The following UBE4B variants were observed in gnomAD, a reference collection of about 807,000 sequenced individuals.
UBE4B encodes the protein ubiquitin conjugation factor E4 B.
UBE4B carries 27 observed loss-of-function variants against 148.1 expected under a neutral mutation model. The observed-to-expected ratio is 0.18, with a 90% CI of 0.13 to 0.25. The LOEUF (loss-of-function observed/expected upper bound fraction) is 0.25. UBE4B is among the 10% of genes least tolerant of loss of function. The pLI, the probability that UBE4B is intolerant of heterozygous loss-of-function variation, is 1.00. For missense variants in UBE4B, 1,170 were observed against 1,662.4 expected, an observed-to-expected ratio of 0.70 and a Z score of 5.15; for synonymous variants, 596 against 619.3, an observed-to-expected ratio of 0.96 and a Z score of 0.56.
At chr1:10,034,372 T>G (rs962309883) in intron 1 of UBE4B, among the ~76,000 whole-genome samples, 2 of 152,266 alleles carry the variant, frequency 1.3e-5, no homozygotes, top group East Asian at 3.9e-4. Context: ...GGGAAGCAAG[T>G]GGAAGCAAAT....
intron 3 of UBE4B, among the ~76,000 whole-genome samples, chr1:10,098,853 G>A (rs1644967227): frequency 1.3e-5 from 2 of 152,172 alleles, no homozygotes; most frequent in Admixed American, 6.5e-5. Context: ...TAAGAACAAG[G>A]ATGACTGCTA....
chr1:10,157,573 A>T (rs1021139301), intron 21 of UBE4B, among the ~76,000 whole-genome samples: 1 of 152,088 alleles, frequency 6.6e-6, no homozygotes, highest in Non-Finnish European at 1.5e-5. Flanking sequence ...AGGCCAAGAG[A>T]TCGAGACAAT....
At chr1:10,158,307 G>A (rs530439610) in intron 21 of UBE4B, 49 bp from the exon 22 acceptor site, 1 of 1,592,668 alleles carries the variant, frequency 6.3e-7, no homozygotes, top group South Asian at 1.1e-5. Flanking sequence ...ACTGGATTTG[G>A]AAAGCAAGAA....
chr1:10,096,396 A>G (rs771810611), intron 3 of UBE4B, among the ~76,000 whole-genome samples: 26 of 152,084 alleles, frequency 1.7e-4, no homozygotes, highest in Admixed American at 5.2e-4. Flanking sequence ...CTCTCCCCTC[A>G]AGCAGTGGCC....
At chr1:10,172,377 G>A (rs1280923353) in intron 25 of UBE4B, among the ~76,000 whole-genome samples, 2 of 152,304 alleles carry the variant, frequency 1.3e-5, no homozygotes, top group East Asian at 1.9e-4. Context: ...CTTTGAGGTA[G>A]GTTCTGTAAA....
At chr1:10,167,064 G>A (rs539974370) in intron 23 of UBE4B, among the ~76,000 whole-genome samples, 6 of 151,868 alleles carry the variant, frequency 4.0e-5, no homozygotes, top group Admixed American at 1.3e-4. Context: ...CCTGGGAGGC[G>A]GAGGTTACAG....
chr1:10,105,103 A>G (rs1362552444), intron 5 of UBE4B, among the ~76,000 whole-genome samples: 1 of 152,240 alleles, frequency 6.6e-6, no homozygotes, highest in Non-Finnish European at 1.5e-5. Context: ...AAGAAATATT[A>G]ACCCAGTTGC....
intron 1 of UBE4B, among the ~76,000 whole-genome samples, chr1:10,062,052 G>A (rs1413001769): frequency 6.6e-6 from 1 of 151,560 alleles, no homozygotes; most frequent in African/African-American, 2.4e-5. Flanking sequence ...TGGGATTACA[G>A]GCGGGCACCA....
At chr1:10,126,105 C>T (rs1645488807) in intron 10 of UBE4B, among the ~76,000 whole-genome samples, 1 of 152,030 alleles carries the variant, frequency 6.6e-6, no homozygotes, top group East Asian at 1.9e-4. Flanking sequence ...TCGAAACCAG[C>T]GTGGCCAACA....
chr1:10,135,130 A>C lies in UBE4B; in HGVS notation c.2168A>C (p.Asp723Ala). 2 of 1,614,004 alleles carry C rather than the reference A, an allele frequency of 1.2e-6. No homozygotes were observed. Among genetic ancestry groups the C allele is most frequent in the Non-Finnish European group, 1.7e-6 (2 of 1,179,984 alleles). Reference protein sequence around the residue: ...HPRCRITLPNDETRVNATMED... With the variant: ...HPRCRITLPNAETRVNATMED... Reference sequence around the variant, plus strand: ...AGATGTCGGATTACTCTTCCCAATGATGAGACGCGTGTGAATGCAACGATG... The same window carrying C: ...AGATGTCGGATTACTCTTCCCAATGCTGAGACGCGTGTGAATGCAACGATG... Residue 723 changes from aspartate to alanine, a missense_variant, in exon 16 of 28, where the codon GAT (aspartate) becomes GCT (alanine). Around this residue, in one of 6 missense-constraint regions of UBE4B, gnomAD observed 388 missense variants for 536.0 expected, o/e 0.72. Coordinates refer to ENST00000343090, the MANE Select transcript of UBE4B (RefSeq NM_001105562.3).
At chr1:10,059,864 T>G (rs1644251811) in intron 1 of UBE4B, among the ~76,000 whole-genome samples, 1 of 152,180 alleles carries the variant, frequency 6.6e-6, no homozygotes, top group Non-Finnish European at 1.5e-5. Flanking sequence ...GCATAGGTCT[T>G]CAGCCCAAGC....
At chr1:10,134,924 G>C in intron 15 of UBE4B, 64 bp from the exon 16 acceptor site, 1 of 1,420,516 alleles carries the variant, frequency 7.0e-7, no homozygotes, top group South Asian at 1.2e-5. Flanking sequence ...AACAGAGTGA[G>C]ACCCCATCTC....
At chr1:10,090,281 G>A (rs1311188073) in intron 2 of UBE4B, among the ~76,000 whole-genome samples, 1 of 152,088 alleles carries the variant, frequency 6.6e-6, no homozygotes, top group African/African-American at 2.4e-5. Flanking sequence ...CATCACGCTT[G>A]GCTCATTTTT....
rs1205836717 is a variant in UBE4B at position 10,106,609 on chromosome 1, T to C, written c.1196+26T>C. ...GTATTTATCCCACAGGAGAGTTGCA[T>C]GTGTGTTTGCGGTGCAGGGAAAGGA... On this transcript the variant is annotated intron_variant, in intron 7 of 27. Transcript: ENST00000343090. This position sits in a 1 kb window ranked among gnomAD's most constrained non-coding sequence, Gnocchi z 4.2. 2 of 1,508,644 alleles carry C rather than the reference T, an allele frequency of 1.3e-6. No individual in the cohort carries two copies. The highest frequency in any genetic ancestry group is 8.8e-7 in the Non-Finnish European group (1 of 1,136,790). 93.5% of individuals were successfully genotyped at this position (1,508,644 alleles called of 1,614,324 possible). A position where few individuals can be genotyped will look rare whatever the true frequency, so the allele number is the denominator to read the frequency against.
chr1:10,135,647 A>G (rs981382442), intron 16 of UBE4B, among the ~76,000 whole-genome samples: 2 of 151,192 alleles, frequency 1.3e-5, no homozygotes, highest in Admixed American at 6.7e-5. Flanking sequence ...GAGGCAGGAG[A>G]ATTGTGTGAA....
intron 21 of UBE4B, among the ~76,000 whole-genome samples, chr1:10,155,422 A>C (rs1450174057): frequency 6.6e-6 from 1 of 152,206 alleles, no homozygotes; most frequent in Non-Finnish European, 1.5e-5. Context: ...AAGGGTCAAG[A>C]AGCTTGCTGA....
In UBE4B at chr1:10,102,391, C is replaced by CTTTT. The variant is rs33997625; in HGVS notation, c.436-523_436-520dup. 9.3e-4 allele frequency among the ~76,000 whole-genome samples: 48 copies of CTTTT among 51,564 alleles called. 10 individuals carry two copies. Among genetic ancestry groups the CTTTT allele is most frequent in the African/African-American group, 1.8e-3 (30 of 16,518 alleles). 33.8% of individuals were successfully genotyped at this position (51,564 alleles called of 152,430 possible). On this transcript the variant is annotated intron_variant, in intron 4 of 27. Coordinates refer to ENST00000343090, the MANE Select transcript of UBE4B (RefSeq NM_001105562.3). ...GGTGACTTTTGATAATGACTTTGCTCTTTTTTTTTTTTTTTTTTTTTTTTT... is the reference window on the plus strand; with the variant it reads ...GGTGACTTTTGATAATGACTTTGCTCTTTTTTTTTTTTTTTTTTTTTTTTTTTTT...
rs990302260 is a variant in UBE4B, at chr1:10,105,712, C to T, written c.777C>T (p.Ser259=). 16 of 1,613,984 alleles carry T rather than the reference C, an allele frequency of 9.9e-6. No homozygotes were observed. Among genetic ancestry groups the T allele is most frequent in the African/African-American group, 5.3e-5 (4 of 74,928 alleles). The part of the protein sequence containing the change: ...SNPGTSPMFC[S]VASFGASSLS... Reference sequence around the variant, plus strand: ...CAGGAACAAGCCCCATGTTCTGCAGCGTGGCTTCCTTTGGTGCCAGCTCTT... The same window carrying T: ...CAGGAACAAGCCCCATGTTCTGCAGTGTGGCTTCCTTTGGTGCCAGCTCTT... The change falls in exon 6 of 28, where the codon AGC becomes AGT. Residue 259 remains serine, a synonymous_variant. Transcript: ENST00000343090.
At chr1:10,084,548 GA>G (rs1054924371) in intron 2 of UBE4B, among the ~76,000 whole-genome samples, 8 of 147,364 alleles carry the variant, frequency 5.4e-5, no homozygotes, top group Admixed American at 2.0e-4. Flanking sequence ...TGAAAGCTCT[GA>G]AAAAAAAAAC....
Sources: gnomAD v4.1 joint callset for allele counts (sites outside exome capture counted in the v4.1 genomes callset) on GRCh38, gnomAD v4.1.1 for gene constraint, gnomAD v4.1.1 regional missense constraint, Gnocchi (gnomAD v3.1) non-coding constraint, MANE v1.5 for transcripts, NCBI Gene and HGNC (gene_info 2026-07-23, HGNC 2026-07-21) for gene names.